BNC2: variants seen among roughly 807,000 people sequenced by gnomAD.
The protein encoded by BNC2 is zinc finger protein basonuclin-2.
BNC2 carries 20 observed loss-of-function variants against 76.3 expected under a neutral mutation model. The ratio of observed to expected loss-of-function variants is 0.26; its 90% CI spans 0.18 to 0.38. The LOEUF (loss-of-function observed/expected upper bound fraction) is 0.38, where lower values mean the gene tolerates loss of function less well. Ranked by LOEUF, BNC2 falls within the 10% of genes least tolerant of loss-of-function variation. The pLI is 1.00. For missense variants in BNC2, 1,382 were observed against 1,399.8 expected (o/e 0.99, Z 0.20); for synonymous variants, 582 against 514.8 (o/e 1.13, Z -1.77).
chr9:16,506,263 G>C (rs12003902), intron 5 of BNC2, among the ~76,000 whole-genome samples: 21,713 of 152,046 alleles, frequency 0.14, 4,771 homozygotes, highest in African/African-American at 0.47. Context: ...GAGAGTAGAC[G>C]AAGGCCACCC....
At position 16,640,097 on chromosome 9, in the gene BNC2, A is replaced by G. The variant is rs184905035; in HGVS notation, c.331-57012T>C. Among the ~76,000 whole-genome samples, 33 of 152,312 alleles carry G rather than the reference A, an allele frequency of 2.2e-4. No homozygotes were observed. The East Asian group carries it at 6.2e-3, about 28-fold the overall frequency. ...TAATACAAATCTCTTCTTCACAAAAAAAAAAATAGAGACTAGCAAAGAATT... is the reference window on the plus strand; with the variant it reads ...TAATACAAATCTCTTCTTCACAAAAGAAAAAATAGAGACTAGCAAAGAATT... On this transcript the variant is annotated intron_variant, in intron 3 of 6. Coordinates refer to ENST00000380672, the MANE Select transcript of BNC2 (RefSeq NM_017637.6).
intron 5 of BNC2, among the ~76,000 whole-genome samples, chr9:16,550,760 G>A (rs758936462): frequency 6.6e-6 from 1 of 152,172 alleles, no homozygotes; most frequent in Non-Finnish European, 1.5e-5. Flanking sequence ...CATAGTGGAG[G>A]TAATAAAGAT....
chr9:16,513,557 G>A (rs1029389245), intron 5 of BNC2, among the ~76,000 whole-genome samples: 2 of 152,080 alleles, frequency 1.3e-5, no homozygotes, highest in African/African-American at 4.8e-5. Context: ...CTCCCGCCTC[G>A]GCCTCCCAAG....
rs562485665 is a variant in BNC2 at position 16,722,053 on chromosome 9, T to G, written c.330+5744A>C. Among the ~76,000 whole-genome samples, 235 of 152,320 alleles carry G rather than the reference T, an allele frequency of 1.5e-3. 1 individual carries two copies. The highest frequency in any genetic ancestry group is 5.2e-3 in the African/African-American group (217 of 41,582). ...CGGCAGATGCCCAATGCAACTTTTTTTAAGTGAGTGTGTGTAATGCATACA... is the reference window on the plus strand; with the variant it reads ...CGGCAGATGCCCAATGCAACTTTTTGTAAGTGAGTGTGTGTAATGCATACA... On this transcript the variant is annotated intron_variant, in intron 3 of 6. Coordinates refer to ENST00000380672, the MANE Select transcript of BNC2 (RefSeq NM_017637.6).
At chr9:16,643,822 G>A (rs1821554045) in intron 3 of BNC2, among the ~76,000 whole-genome samples, 1 of 152,058 alleles carries the variant, frequency 6.6e-6, no homozygotes, top group Non-Finnish European at 1.5e-5. Flanking sequence ...CATGGTTTAA[G>A]ATTAAAGATT....
At chr9:16,675,243 AAATTGAGTT>A (rs1299721640) in intron 3 of BNC2, among the ~76,000 whole-genome samples, 1 of 149,980 alleles carries the variant, frequency 6.7e-6, no homozygotes, top group Non-Finnish European at 1.5e-5. Context: ...AACAAGGACT[AAATTGAGTT>A]AATTTTTTTT....
In BNC2 at chr9:16,658,978, A is replaced by G. The variant is rs79121126; in HGVS notation, c.330+68819T>C. Among the ~76,000 whole-genome samples, 375 of 152,316 alleles carry G rather than the reference A, an allele frequency of 2.5e-3. 1 individual carries two copies. Among genetic ancestry groups the G allele is most frequent in the African/African-American group, 8.6e-3 (358 of 41,572 alleles). On this transcript the variant is annotated intron_variant, in intron 3 of 6. Coordinates refer to ENST00000380672, the MANE Select transcript of BNC2 (RefSeq NM_017637.6). ...CATTACGCCGATACACAAACCATTG[A>G]TCATCGCAACTGTCTCTTTTTTTGA...
intron 5 of BNC2, among the ~76,000 whole-genome samples, chr9:16,526,896 CATA>C (rs1817821892): frequency 1.3e-5 from 2 of 152,248 alleles, no homozygotes; most frequent in East Asian, 3.9e-4. Flanking sequence ...TATTGTAGAG[CATA>C]ATAAGAAATA....
chr9:16,737,238 CTTTTTTTTTT>C (rs559930240), intron 2 of BNC2, among the ~76,000 whole-genome samples: 1 of 91,302 alleles, frequency 1.1e-5, no homozygotes, highest in Non-Finnish European at 2.0e-5. Flanking sequence ...CACACCTGGC[CTTTTTTTTTT>C]TTTTTTTTTT....
intron 5 of BNC2, among the ~76,000 whole-genome samples, chr9:16,449,140 A>T (rs574390989): frequency 6.6e-6 from 1 of 152,234 alleles, no homozygotes; most frequent in Non-Finnish European, 1.5e-5. Flanking sequence ...GAGAAAGCGT[A>T]CATTATAGAG....
At chr9:16,843,417 G>A (rs1352591182) in intron 1 of BNC2, among the ~76,000 whole-genome samples, 2 of 152,160 alleles carry the variant, frequency 1.3e-5, no homozygotes, top group Non-Finnish European at 2.9e-5. Flanking sequence ...TGCAAGCTCC[G>A]CCTCCCGGGC....
intron 4 of BNC2, among the ~76,000 whole-genome samples, chr9:16,580,480 G>A (rs1819603395): frequency 6.6e-6 from 1 of 152,168 alleles, no homozygotes; most frequent in Non-Finnish European, 1.5e-5. Flanking sequence ...ACAGTCTGGT[G>A]TAACAAAAAC....
chr9:16,681,763 C>T (rs1000030211), intron 3 of BNC2, among the ~76,000 whole-genome samples: 3 of 152,072 alleles, frequency 2.0e-5, no homozygotes, highest in African/African-American at 7.2e-5. Context: ...TCAAATAAAC[C>T]GCAGGGCTGA....
intron 3 of BNC2, among the ~76,000 whole-genome samples, chr9:16,597,282 T>C (rs931797424): frequency 6.6e-6 from 1 of 152,186 alleles, no homozygotes; most frequent in Non-Finnish European, 1.5e-5. Context: ...CTTTTATACA[T>C]AGCTTTATCC....
At chr9:16,843,352 C>T (rs1284734530) in intron 1 of BNC2, among the ~76,000 whole-genome samples, 1 of 152,192 alleles carries the variant, frequency 6.6e-6, no homozygotes, top group Non-Finnish European at 1.5e-5. Flanking sequence ...GTGTGTGAGA[C>T]GGAGTCTTGC....
At chr9:16,863,435 C>A (rs1200069589) in intron 1 of BNC2, among the ~76,000 whole-genome samples, 2 of 152,186 alleles carry the variant, frequency 1.3e-5, no homozygotes, top group Non-Finnish European at 2.9e-5. Flanking sequence ...TGGGATCACA[C>A]TGTAATCCCA....
intron 5 of BNC2, among the ~76,000 whole-genome samples, chr9:16,498,161 A>G (rs1429475303): frequency 6.9e-6 from 1 of 145,586 alleles, no homozygotes. Flanking sequence ...ATTCCATCAT[A>G]TATATATTCT....
chr9:16,747,169 G>A lies in BNC2; in HGVS notation c.4-8684C>T, dbSNP rs1159474732. ...AGATGTTGACATTTGGCCAAGTTAGGCATCTTCACAGGGTACATAAATAAT... is the reference window on the plus strand; with the variant it reads ...AGATGTTGACATTTGGCCAAGTTAGACATCTTCACAGGGTACATAAATAAT... On this transcript the variant is annotated intron_variant, in intron 1 of 6. Coordinates refer to ENST00000380672, the MANE Select transcript of BNC2 (RefSeq NM_017637.6). Among the ~76,000 whole-genome samples the A allele has an allele frequency of 2.0e-5, 3 of 152,038 alleles. No individual in the cohort carries two copies. In the East Asian group the frequency reaches 5.8e-4, roughly 29 times the overall value.
chr9:16,419,659 CAA>C lies in BNC2; in HGVS notation c.2640-12_2640-11del. 6.5e-7 allele frequency: 1 copy of C among 1,540,036 alleles called. No homozygotes were observed. The highest frequency in any genetic ancestry group is 8.7e-7 in the Non-Finnish European group (1 of 1,147,768). On this transcript the variant is annotated splice_polypyrimidine_tract_variant and intron_variant, in intron 6 of 6. Transcript: ENST00000380672. ...TATGTTGGCACTGTGTCTAGGAAAA[CAA>C]GAGGGAAGGGGGGGTACGTGGATGG...
Sources: gnomAD v4.1 joint callset for allele counts (sites outside exome capture counted in the v4.1 genomes callset) on GRCh38, gnomAD v4.1.1 for gene constraint, MANE v1.5 for transcripts, NCBI Gene and HGNC (gene_info 2026-07-23, HGNC 2026-07-21) for gene names.